PRDM15: variants seen among roughly 807,000 people sequenced by gnomAD.
The protein encoded by PRDM15 is PR/SET domain 15, also known as PR domain zinc finger protein 15.
Under a neutral mutation model 128.6 loss-of-function variants are expected in PRDM15, and 64 were observed. The observed-to-expected ratio is 0.50, with a 90% CI of 0.41 to 0.61. The LOEUF (loss-of-function observed/expected upper bound fraction) is 0.61. PRDM15 is among the 20% of genes least tolerant of loss of function. The pLI, the probability that PRDM15 is intolerant of heterozygous loss-of-function variation, is 0.00. For synonymous variants in PRDM15, 615 were observed against 621.8 expected (o/e 0.99, Z 0.16); for missense variants, 1,242 against 1,569.1 (o/e 0.79, Z 3.52).
chr21:41,825,790 C>T (rs2062447757), intron 13 of PRDM15, among the ~76,000 whole-genome samples, 170 bp downstream of exon 13: 1 of 152,112 alleles, frequency 6.6e-6, no homozygotes, highest in Non-Finnish European at 1.5e-5. Flanking sequence ...CAAAGAAATC[C>T]AAATGGCAAG....
intron 12 of PRDM15, among the ~76,000 whole-genome samples, 168 bp downstream of exon 12, chr21:41,827,998 C>G (rs1428835892): frequency 6.6e-6 from 1 of 152,196 alleles, no homozygotes; most frequent in Admixed American, 6.5e-5. Flanking sequence ...TCTCCTGAGA[C>G]AGGTTCTCAG....
chr21:41,836,486 T>C lies in PRDM15; in HGVS notation c.1165A>G (p.Arg389Gly). ...KIFQNSSNLSRHVRSHGDKLF... is the reference protein window; with the variant it reads ...KIFQNSSNLSGHVRSHGDKLF... Reference sequence around the variant, plus strand: ...GACTCACCATGCGAGCGCACGTGCCTGCTCAGGTTGCTGCTGTTCTGGAAG... The same window carrying C: ...GACTCACCATGCGAGCGCACGTGCCCGCTCAGGTTGCTGCTGTTCTGGAAG... Residue 389 changes from arginine (R) to glycine (G), a missense_variant, in exon 9 of 24, where the codon AGG becomes GGG. Physicochemically the swap from Arg to Gly is moderately radical, Grantham distance 125. Around this residue, in one of 3 missense-constraint regions of PRDM15, gnomAD observed 612 missense variants for 717.0 expected, o/e 0.85. Coordinates refer to ENST00000398548, the MANE Select transcript of PRDM15 (RefSeq NM_001040424.3). The C allele has an allele frequency of 6.2e-7, 1 of 1,611,682 alleles. No homozygotes were observed. Among genetic ancestry groups the C allele is most frequent in the Non-Finnish European group, 8.5e-7 (1 of 1,179,512 alleles).
chr21:41,822,639 A>C (rs2062320010), intron 14 of PRDM15, among the ~76,000 whole-genome samples: 1 of 152,174 alleles, frequency 6.6e-6, no homozygotes, highest in East Asian at 1.9e-4. Flanking sequence ...TGAATACTTG[A>C]ACCCTCCCAA....
rs190976126 is a variant in PRDM15, at chr21:41,832,360, C to G, written c.1366+3077G>C. Among the ~76,000 whole-genome samples the G allele has an allele frequency of 6.6e-6, 1 of 151,792 alleles. No homozygotes were observed. The highest frequency in any genetic ancestry group is 1.5e-5 in the Non-Finnish European group (1 of 67,948). On this transcript the variant is annotated intron_variant, in intron 11 of 23. Transcript: ENST00000398548. This position sits in a 1 kb window ranked among gnomAD's most constrained non-coding sequence, Gnocchi z 4.2. ...ACAGCACTGTGGCATCGGATCACCA[C>G]AGGCCACACCTTTACAGCACTGTGG...
chr21:41,828,608 C>T lies in PRDM15; in HGVS notation c.1367-275G>A, dbSNP rs73357733. Among the ~76,000 whole-genome samples the T allele has an allele frequency of 0.022, 3,327 of 152,076 alleles. 114 individuals are homozygous for T. The highest frequency in any genetic ancestry group is 0.076 in the African/African-American group (3,137 of 41,454). ...GCCGCCTCCCTCCCGGGCCACCCTG[C>T]CCCACAGCACCTGGGGACGATGACT... On this transcript the variant is annotated intron_variant, in intron 11 of 23. Transcript: ENST00000398548. The surrounding 1 kb of genome is among the most constrained non-coding windows in gnomAD (Gnocchi z 5.7).
intron 11 of PRDM15, among the ~76,000 whole-genome samples, chr21:41,829,490 C>T (rs916520113): frequency 2.4e-4 from 36 of 151,824 alleles, no homozygotes; most frequent in Non-Finnish European, 4.0e-4. Flanking sequence ...CACAATTACA[C>T]CACATACACA....
chr21:41,821,207 C>G lies in PRDM15; in HGVS notation c.1920G>C (p.Glu640Asp), dbSNP rs1568921921. ...GCACCTCCATGATGTGCTTCAGGTACTCCTTCCCCCGGCCGAAGGTGAGCT... is the reference window on the plus strand; with the variant it reads ...GCACCTCCATGATGTGCTTCAGGTAGTCCTTCCCCCGGCCGAAGGTGAGCT... ...RCQLTFGRGK[E>D]YLKHIMEVHK... The change falls in exon 16 of 24, where the codon GAG (glutamate) becomes GAC (aspartate). Residue 640 changes from glutamate to aspartate, a missense_variant. This residue lies in a region of PRDM15 where 602 missense variants were observed against 788.3 expected (regional missense o/e 0.76). Transcript: ENST00000398548. This position sits in a 1 kb window ranked among gnomAD's most constrained non-coding sequence, Gnocchi z 5.4. 1 of 1,614,198 alleles carries G rather than the reference C, an allele frequency of 6.2e-7. No individual in the cohort carries two copies. The highest frequency in any genetic ancestry group is 2.2e-5 in the East Asian group (1 of 44,882).
At chr21:41,806,021 C>CCACCAT (rs1568879772) in intron 21 of PRDM15, among the ~76,000 whole-genome samples, 2 of 26,080 alleles carry the variant, frequency 7.7e-5, no homozygotes, top group Non-Finnish European at 1.7e-4. Context: ...ACCACCATCA[C>CCACCAT]CACCACCACC....
Position 41,854,782 on chromosome 21 carries a change from T to C in PRDM15, c.322A>G (p.Thr108Ala), listed in dbSNP as rs1459359877. The C allele has an allele frequency of 2.5e-6, 4 of 1,607,712 alleles. No homozygotes were observed. In the Admixed American group the frequency reaches 6.7e-5, roughly 27 times the overall value. The change falls in exon 5 of 24, where the codon ACC (threonine) becomes GCC (alanine). Residue 108 changes from threonine to alanine, a missense_variant. Physicochemically the swap from Thr to Ala is moderately conservative, Grantham distance 58. Coordinates refer to ENST00000398548, the MANE Select transcript of PRDM15 (RefSeq NM_001040424.3). This position sits in a 1 kb window ranked among gnomAD's most constrained non-coding sequence, Gnocchi z 4.6. ...QKDGHPVCFD[T>A]SNEDDCNWMM... Reference sequence around the variant, plus strand: ...CAGTTGCAGTCATCCTCGTTGGAGGTGTCGAAGCACACGGGGTGCCCGTCC... The same window carrying C: ...CAGTTGCAGTCATCCTCGTTGGAGGCGTCGAAGCACACGGGGTGCCCGTCC...
intron 14 of PRDM15, 185 bp downstream of exon 14, chr21:41,823,133 G>T: frequency 1.3e-6 from 1 of 750,156 alleles, no homozygotes; most frequent in African/African-American, 1.8e-5. Flanking sequence ...TACGAACCAG[G>T]AAGTGAGCCT....
intron 1 of PRDM15, among the ~76,000 whole-genome samples, chr21:41,875,643 T>C (rs4541321): frequency 0.023 from 3,534 of 152,348 alleles, 61 homozygotes; most frequent in South Asian, 0.072. Flanking sequence ...CCAGAAAGTA[T>C]ACACTTCTTC....
intron 7 of PRDM15, among the ~76,000 whole-genome samples, chr21:41,839,421 T>C (rs1392980066): frequency 1.3e-5 from 2 of 152,220 alleles, no homozygotes; most frequent in African/African-American, 4.8e-5. Context: ...TGTATCCTTT[T>C]TAGTGTGACA....
At chr21:41,878,592 C>A (rs1189240095) in intron 1 of PRDM15, 2 of 615,096 alleles carry the variant, frequency 3.3e-6, no homozygotes, top group Non-Finnish European at 5.0e-6. Flanking sequence ...GGCCACCCAC[C>A]CCGGGTAGGC....
intron 6 of PRDM15, among the ~76,000 whole-genome samples, chr21:41,846,774 C>A (rs997975861): frequency 1.3e-5 from 2 of 152,240 alleles, no homozygotes; most frequent in African/African-American, 4.8e-5. Context: ...GGCAAGAGTG[C>A]ACAACACATG....
Position 41,828,172 on chromosome 21 carries a change from G to A in PRDM15, c.1528C>T (p.Leu510=). The change falls in exon 12 of 24, where the codon CTG becomes TTG. Residue 510 remains leucine, a synonymous_variant. Transcript: ENST00000398548. This position sits in a 1 kb window ranked among gnomAD's most constrained non-coding sequence, Gnocchi z 5.7. ...GGTGCGCAGGCGGCCTCACCTTCCA[G>A]GTGCCGGCGCTGGTGGTCCAGCATG... is the stretch of plus-strand genomic sequence containing the variant. ...DVMLDHQRRH[L]EGVRRVKRED... is the part of the protein sequence containing the mutation. 5 of 1,613,704 alleles carry A rather than the reference G, an allele frequency of 3.1e-6. No homozygotes were observed. Among genetic ancestry groups the A allele is most frequent in the Non-Finnish European group, 3.4e-6 (4 of 1,179,928 alleles).
At chr21:41,847,020 T>C (rs1371692575) in intron 6 of PRDM15, 70 bp downstream of exon 6, 3 of 1,025,986 alleles carry the variant, frequency 2.9e-6, no homozygotes, top group African/African-American at 3.2e-5. Context: ...CGCAGACAGG[T>C]GACAGCGTAA....
rs775200155 is a variant in PRDM15, at chr21:41,839,753, T to C, written c.741A>G (p.Glu247=). 37 of 1,614,088 alleles carry C rather than the reference T, an allele frequency of 2.3e-5. No homozygotes were observed. Among genetic ancestry groups the C allele is most frequent in the Admixed American group, 6.7e-5 (4 of 60,004 alleles). ...PEKEQDTPRG[E]PPAVPESENV... The stretch of plus-strand genomic sequence containing the variant: ...TCTCGCTCTCGGGCACTGCAGGGGG[T>C]TCCCCCCGGGGTGTGTCCTGCTCCT... Residue 247 remains glutamate, a synonymous_variant, in exon 7 of 24, where the codon GAA becomes GAG. Coordinates refer to ENST00000398548, the MANE Select transcript of PRDM15 (RefSeq NM_001040424.3).
rs1382321326 is a variant in PRDM15 at position 41,836,786 on chromosome 21, C to T, written c.1002-137G>A. On this transcript the variant is annotated intron_variant, in intron 8 of 23. Transcript: ENST00000398548. ...TATGCGAGAAAGGAGGGAATGCGCC[C>T]GGGCGTCACTCCCAGCTTCCAGGGC... The T allele has an allele frequency of 6.5e-5, 42 of 649,670 alleles. No individual in the cohort carries two copies. The East Asian group carries it at 7.8e-4, about 12-fold the overall frequency. The allele number at this position is 649,670 out of a possible 1,614,324, so 40.2% of individuals were successfully genotyped here.
intron 12 of PRDM15, among the ~76,000 whole-genome samples, chr21:41,826,275 G>A (rs1312030647): frequency 6.6e-6 from 1 of 152,222 alleles, no homozygotes; most frequent in East Asian, 1.9e-4. Flanking sequence ...AAGGGAGATG[G>A]CACAACGTAT....
Sources: gnomAD v4.1 joint callset for allele counts (sites outside exome capture counted in the v4.1 genomes callset) on GRCh38, gnomAD v4.1.1 for gene constraint, gnomAD v4.1.1 regional missense constraint, Gnocchi (gnomAD v3.1) non-coding constraint, MANE v1.5 for transcripts, NCBI Gene and HGNC (gene_info 2026-07-23, HGNC 2026-07-21) for gene names.